Variants in RTL4 observed in about 807,000 individuals in gnomAD.
RTL4 encodes the protein retrotransposon Gag-like protein 4.
A neutral mutation model predicts 5.3 loss-of-function variants in RTL4; 4 were observed. The observed-to-expected ratio is 0.75, with a 90% CI of 0.37 to 1.72. RTL4 has a LOEUF of 1.72. RTL4 is among the 40% of genes most tolerant of loss of function. RTL4 has a pLI of 0.04. For synonymous variants in RTL4, 98 were observed against 87.3 expected, an observed-to-expected ratio of 1.12 and a Z score of -0.68; for missense variants, 260 against 227.1, an observed-to-expected ratio of 1.14 and a Z score of -0.93.
At chrX:112,358,241 T>C in the RTL4 span, among the ~76,000 whole-genome samples, 970 of 109,015 alleles carry the variant, frequency 8.9e-3, 14 homozygotes, top group African/African-American at 0.031. Flanking sequence ...ACTGGGACTA[T>C]AGGCATGTGC....
At chrX:112,098,109 C>T in the RTL4 span, among the ~76,000 whole-genome samples, 1 of 84,647 alleles carries the variant, frequency 1.2e-5, no homozygotes, top group Non-Finnish European at 2.3e-5. Context: ...TCTCTCCCCC[C>T]TCCCCCCACC....
At chrX:112,223,369 T>A in the RTL4 span, among the ~76,000 whole-genome samples, 1 of 112,524 alleles carries the variant, frequency 8.9e-6, no homozygotes, top group Middle Eastern at 4.6e-3. Context: ...TGAGTTTCTT[T>A]AGACATGTTT....
chrX:112,331,373 A>G, the RTL4 span, among the ~76,000 whole-genome samples: 1 of 106,792 alleles, frequency 9.4e-6, no homozygotes, highest in Non-Finnish European at 1.9e-5. Flanking sequence ...TTCTCAAAAG[A>G]AGACATTTAT....
the RTL4 span, among the ~76,000 whole-genome samples, chrX:112,190,996 C>T: frequency 8.9e-6 from 1 of 112,412 alleles, no homozygotes; most frequent in East Asian, 2.8e-4. Flanking sequence ...TAAGAATGGA[C>T]TGATATGATT....
the RTL4 span, among the ~76,000 whole-genome samples, chrX:112,245,732 T>C: frequency 1.8e-5 from 2 of 112,539 alleles, no homozygotes; most frequent in Non-Finnish European, 3.8e-5. Flanking sequence ...CCAGCTTTGT[T>C]CCATTGCTGG....
the RTL4 span, among the ~76,000 whole-genome samples, chrX:112,387,146 T>C: frequency 9.0e-6 from 1 of 111,659 alleles, no homozygotes; most frequent in Admixed American, 9.5e-5. Context: ...GTCGGCCATT[T>C]GTATATTCTT....
the RTL4 span, among the ~76,000 whole-genome samples, chrX:112,241,099 T>C: frequency 9.0e-6 from 1 of 111,716 alleles, no homozygotes; most frequent in Admixed American, 9.4e-5. Context: ...TCCAAGTCTT[T>C]GCTATTGTGA....
At chrX:112,108,981 T>G in the RTL4 span, among the ~76,000 whole-genome samples, 4 of 110,176 alleles carry the variant, frequency 3.6e-5, no homozygotes, top group African/African-American at 1.3e-4. Flanking sequence ...CTATGATCAT[T>G]TTTTTCTCTT....
At chrX:112,103,478 T>TA in the RTL4 span, among the ~76,000 whole-genome samples, 1 of 110,681 alleles carries the variant, frequency 9.0e-6, no homozygotes, top group Non-Finnish European at 1.9e-5. Flanking sequence ...ATGCTGGGCT[T>TA]AATACGTAGG....
chrX:112,194,968 C>A, the RTL4 span, among the ~76,000 whole-genome samples: 2 of 111,743 alleles, frequency 1.8e-5, no homozygotes, highest in African/African-American at 6.5e-5. Flanking sequence ...TAAAGCATGC[C>A]AAACACTGTT....
chrX:112,093,817 G>T, the RTL4 span, among the ~76,000 whole-genome samples: 1 of 111,891 alleles, frequency 8.9e-6, no homozygotes, highest in Non-Finnish European at 1.9e-5. Flanking sequence ...CCAGACAAAG[G>T]TAATAGCGTA....
At chrX:112,346,355 T>G in the RTL4 span, among the ~76,000 whole-genome samples, 2 of 111,256 alleles carry the variant, frequency 1.8e-5, no homozygotes, top group African/African-American at 6.5e-5. Flanking sequence ...CAATTTCTTC[T>G]ATAAGCACAT....
chrX:112,327,627 C>G, the RTL4 span, among the ~76,000 whole-genome samples: 1 of 109,173 alleles, frequency 9.2e-6, no homozygotes, highest in African/African-American at 3.3e-5. Context: ...CAAGGCAGGC[C>G]AACATTCAGA....
chrX:112,172,893 A>G, the RTL4 span, among the ~76,000 whole-genome samples: 1 of 110,335 alleles, frequency 9.1e-6, no homozygotes, highest in Non-Finnish European at 1.9e-5. Flanking sequence ...TCCTCAGCAA[A>G]CTAATGCAGG....
the RTL4 span, among the ~76,000 whole-genome samples, chrX:112,116,252 C>A: frequency 1.8e-5 from 2 of 111,514 alleles, no homozygotes. Context: ...GGCGATAGTC[C>A]CTTTGTGGTC....
At chrX:112,383,742 A>C in the RTL4 span, among the ~76,000 whole-genome samples, 4 of 111,890 alleles carry the variant, frequency 3.6e-5, no homozygotes, top group Non-Finnish European at 7.5e-5. Flanking sequence ...TAACACAGGA[A>C]AAGAAAATCA....
chrX:112,281,514 G>C, the RTL4 span, among the ~76,000 whole-genome samples: 1 of 111,252 alleles, frequency 9.0e-6, no homozygotes, highest in East Asian at 2.8e-4. Context: ...CCAGTAGTGG[G>C]ACTTTTGGAT....
chrX:112,378,627 G>T, the RTL4 span, among the ~76,000 whole-genome samples: 1 of 111,672 alleles, frequency 9.0e-6, no homozygotes, highest in Non-Finnish European at 1.9e-5. Context: ...CATTTAAAAG[G>T]CACTAACAAG....
At chrX:112,117,237 G>A in the RTL4 span, among the ~76,000 whole-genome samples, 2 of 105,796 alleles carry the variant, frequency 1.9e-5, no homozygotes, top group South Asian at 4.0e-4. Flanking sequence ...CCACATAATC[G>A]TTATATGGTA....
Sources: gnomAD v4.1 joint callset for allele counts (sites outside exome capture counted in the v4.1 genomes callset) on GRCh38, gnomAD v4.1.1 for gene constraint, MANE v1.5 for transcripts, NCBI Gene and HGNC (gene_info 2026-07-23, HGNC 2026-07-21) for gene names.